TYW1B: variants seen among roughly 807,000 people sequenced by gnomAD.
The protein encoded by TYW1B is S-adenosyl-L-methionine-dependent tRNA 4-demethylwyosine synthase TYW1B.
Under a neutral mutation model 86.9 loss-of-function variants are expected in TYW1B, and 73 were observed. That is an observed-to-expected ratio of 0.84 (90% CI 0.70 to 1.02). TYW1B has a LOEUF of 1.02. Ranked by LOEUF, TYW1B falls within the 50% of genes least tolerant of loss-of-function variation. The pLI is 0.00. For missense variants in TYW1B, 637 were observed against 827.4 expected (o/e 0.77, Z 2.82); for synonymous variants, 248 against 292.8 (o/e 0.85, Z 1.56).
chr7:72,657,741 T>C (rs1813238222), intron 11 of TYW1B, among the ~76,000 whole-genome samples: 1 of 152,160 alleles, frequency 6.6e-6, no homozygotes, highest in South Asian at 2.1e-4. Context: ...AGCAAAACTA[T>C]CCTTCAGAAA....
chr7:72,800,755 T>C (rs1488517586), intron 6 of TYW1B, among the ~76,000 whole-genome samples: 1 of 149,522 alleles, frequency 6.7e-6, no homozygotes, highest in African/African-American at 2.5e-5. Context: ...TGGCGGCTCA[T>C]CCTTCTCATC....
intron 11 of TYW1B, among the ~76,000 whole-genome samples, chr7:72,634,338 C>T (rs1554440441): frequency 7.1e-6 from 1 of 139,968 alleles, no homozygotes; most frequent in Non-Finnish European, 1.5e-5. Flanking sequence ...GCTGCCACTC[C>T]TAGCTTTTTT....
At chr7:72,672,174 G>A (rs1230711189) in intron 11 of TYW1B, among the ~76,000 whole-genome samples, 5 of 151,816 alleles carry the variant, frequency 3.3e-5, no homozygotes, top group African/African-American at 2.4e-5. Context: ...CACCATCCAC[G>A]TAATAAGACG....
intron 11 of TYW1B, among the ~76,000 whole-genome samples, chr7:72,687,930 C>G (rs4121336): frequency 1.1e-4 from 16 of 152,158 alleles, no homozygotes; most frequent in South Asian, 2.1e-4. Flanking sequence ...GAGCACATCT[C>G]TATCCCAATT....
chr7:72,653,878 G>A (rs1813135194), intron 11 of TYW1B, among the ~76,000 whole-genome samples: 1 of 152,034 alleles, frequency 6.6e-6, no homozygotes, highest in Non-Finnish European at 1.5e-5. Flanking sequence ...TCAGGAGTTT[G>A]AGACCAGCCC....
intron 2 of TYW1B, 76 bp from the exon 3 acceptor site, chr7:72,815,557 A>ATTCTTGTGCCAAC: frequency 1.5e-6 from 2 of 1,323,674 alleles, no homozygotes; most frequent in Non-Finnish European, 2.1e-6. Flanking sequence ...CTGTTGGCAC[A>ATTCTTGTGCCAAC]AGAATGTGGC....
chr7:72,802,040 G>A (rs541505083), intron 6 of TYW1B, among the ~76,000 whole-genome samples: 1 of 68,712 alleles, frequency 1.5e-5, no homozygotes, highest in Non-Finnish European at 3.1e-5. Flanking sequence ...TGTATTTTGC[G>A]ATTTTTTTTT....
At chr7:72,614,408 G>A (rs541675518) in intron 13 of TYW1B, among the ~76,000 whole-genome samples, 107 of 152,250 alleles carry the variant, frequency 7.0e-4, no homozygotes, top group Non-Finnish European at 1.2e-3. Flanking sequence ...TGAGACAGGC[G>A]TATCACTTGG....
rs1554451071 is a variant in TYW1B, at chr7:72,694,676, A to G, written c.1506+11T>C. The G allele has an allele frequency of 6.3e-7, 1 of 1,598,172 alleles. No homozygotes were observed. Among genetic ancestry groups the G allele is most frequent in the South Asian group, 1.1e-5 (1 of 87,150 alleles). On this transcript the variant is annotated intron_variant, in intron 11 of 13. Transcript: ENST00000620995. ...GTTGTTTATTTATTTTTAAGATGTCATAATTCTTACCTTGACTGCCAAGGC... is the reference window on the plus strand; with the variant it reads ...GTTGTTTATTTATTTTTAAGATGTCGTAATTCTTACCTTGACTGCCAAGGC...
At chr7:72,674,197 A>G (rs1180204648) in intron 11 of TYW1B, among the ~76,000 whole-genome samples, 1 of 152,144 alleles carries the variant, frequency 6.6e-6, no homozygotes, top group Non-Finnish European at 1.5e-5. Flanking sequence ...AAGTCACTTT[A>G]AGCATTAACA....
rs372116731 is a variant in TYW1B, at chr7:72,759,584, A to G, written c.965-14983T>C. 1.8e-4 allele frequency among the ~76,000 whole-genome samples: 27 copies of G among 152,322 alleles called. 1 individual carries two copies. In the East Asian group the frequency reaches 2.7e-3, roughly 15 times the overall value. ...TCAGAGCACTAAGGATCATTATTCA[A>G]AAAGACCTGCAACTATGGAGTTAAC... On this transcript the variant is annotated intron_variant, in intron 7 of 13. Coordinates refer to ENST00000620995, the MANE Select transcript of TYW1B (RefSeq NM_001145440.3).
chr7:72,576,988 G>A (rs1427680899), intron 13 of TYW1B, among the ~76,000 whole-genome samples: 3 of 151,996 alleles, frequency 2.0e-5, no homozygotes, highest in East Asian at 2.0e-4. Flanking sequence ...TTAGCCAGGC[G>A]TGGTGGTGTG....
intron 11 of TYW1B, among the ~76,000 whole-genome samples, chr7:72,664,011 C>T (rs1554444868): frequency 6.6e-6 from 1 of 151,914 alleles, no homozygotes; most frequent in Non-Finnish European, 1.5e-5. Flanking sequence ...TCTCTTACAT[C>T]TTCTTTTCTA....
At chr7:72,778,092 A>G (rs1333992457) in intron 6 of TYW1B, among the ~76,000 whole-genome samples, 10 of 152,202 alleles carry the variant, frequency 6.6e-5, no homozygotes, top group Non-Finnish European at 1.5e-4. Flanking sequence ...ATACACATCC[A>G]AAAACCATAA....
chr7:72,714,657 C>G (rs1335846996), intron 9 of TYW1B, among the ~76,000 whole-genome samples: 1 of 152,024 alleles, frequency 6.6e-6, no homozygotes, highest in Non-Finnish European at 1.5e-5. Context: ...GTGGCTCACA[C>G]CTGTAATCCC....
chr7:72,803,361 T>G (rs1339443263), intron 5 of TYW1B, among the ~76,000 whole-genome samples: 1 of 151,970 alleles, frequency 6.6e-6, no homozygotes. Context: ...ACGAGACACA[T>G]GCCAAGCAGA....
chr7:72,598,287 T>C (rs554198242), intron 13 of TYW1B, among the ~76,000 whole-genome samples: 2 of 152,198 alleles, frequency 1.3e-5, no homozygotes, highest in East Asian at 3.9e-4. Context: ...TCCAAGTTCT[T>C]CAGGTTTGGG....
intron 13 of TYW1B, among the ~76,000 whole-genome samples, chr7:72,588,509 T>C (rs143659393): frequency 0.013 from 1,904 of 152,294 alleles, 40 homozygotes; most frequent in African/African-American, 0.041. Context: ...GGGGTGGTGA[T>C]AGCTCTTCTT....
At chr7:72,820,922 T>C (rs1401212226) in intron 2 of TYW1B, among the ~76,000 whole-genome samples, 6 of 152,112 alleles carry the variant, frequency 3.9e-5, no homozygotes, top group African/African-American at 1.4e-4. Flanking sequence ...TATGCGAAAA[T>C]ATCCCTGACA....
Sources: allele counts gnomAD v4.1 joint callset (sites outside exome capture counted in the v4.1 genomes callset), GRCh38; gene constraint gnomAD v4.1.1; transcripts MANE v1.5; gene names NCBI Gene and HGNC (gene_info 2026-07-23, HGNC 2026-07-21).